SHANK2: variants seen among roughly 807,000 people sequenced by gnomAD.
The protein encoded by SHANK2 is SH3 and multiple ankyrin repeat domains 2.
A neutral mutation model predicts 133.7 loss-of-function variants in SHANK2; 43 were observed. The observed-to-expected ratio is 0.32, with a 90% CI of 0.25 to 0.41. The LOEUF (loss-of-function observed/expected upper bound fraction) is 0.41. Ranked by LOEUF, SHANK2 falls within the 10% of genes least tolerant of loss-of-function variation. The probability of loss-of-function intolerance (pLI) is 1.00; values close to 1 mark genes in which losing one functional copy is unlikely to be tolerated. For synonymous variants in SHANK2, 1,017 were observed against 952.8 expected (o/e 1.07, Z -1.24); for missense variants, 1,994 against 2,235.8 (o/e 0.89, Z 2.18).
chr11:70,599,176 T>C (rs905281714), intron 17 of SHANK2, among the ~76,000 whole-genome samples: 4 of 152,148 alleles, frequency 2.6e-5, no homozygotes, highest in Non-Finnish European at 5.9e-5. Flanking sequence ...CCAGCCATAT[T>C]TCTACATTTC....
At position 70,486,921 on chromosome 11, in the gene SHANK2, G is replaced by A. The variant is rs1555153985; in HGVS notation, c.3372C>T (p.Ser1124=). Residue 1124 remains serine, a synonymous_variant, in exon 25 of 26, where the codon TCC becomes TCT. Coordinates refer to ENST00000601538, the MANE Select transcript of SHANK2 (RefSeq NM_012309.5). The surrounding 1 kb of genome is among the most constrained non-coding windows in gnomAD (Gnocchi z 8.0). The part of the protein sequence containing the change: ...LGPPAPRTRP[S]MFPEEGDFAD... ...CAAAATCCCCCTCCTCGGGGAACAT[G>A]GAGGGCCGCGTCCTGGGGGCGGGTG... 6.8e-6 allele frequency: 11 copies of A among 1,612,604 alleles called. No homozygotes were observed. Among genetic ancestry groups the A allele is most frequent in the Non-Finnish European group, 8.5e-6 (10 of 1,179,774 alleles).
intron 10 of SHANK2, among the ~76,000 whole-genome samples, chr11:70,907,447 T>C (rs1195750999): frequency 1.3e-5 from 2 of 152,148 alleles, no homozygotes; most frequent in Non-Finnish European, 2.9e-5. Context: ...CTAGCACCGA[T>C]ACCAAAGACA....
intron 1 of SHANK2, among the ~76,000 whole-genome samples, chr11:71,228,801 C>G (rs576586872): frequency 6.6e-6 from 1 of 152,082 alleles, no homozygotes; most frequent in Non-Finnish European, 1.5e-5. Flanking sequence ...ATACCTTATA[C>G]AAACGTAAAT....
Position 70,727,836 on chromosome 11 carries a change from G to T in SHANK2, c.1778-29073C>A, listed in dbSNP as rs544186175. On this transcript the variant is annotated intron_variant, in intron 14 of 25. Coordinates refer to ENST00000601538, the MANE Select transcript of SHANK2 (RefSeq NM_012309.5). ...TGTTCCCCCAAGACGCTGGATGGGG[G>T]CCATGGGCTGTCCTCAGTTTCTGTG... 3.5e-4 allele frequency among the ~76,000 whole-genome samples: 54 copies of T among 152,334 alleles called. No homozygotes were observed. The South Asian group carries it at 0.011, about 31-fold the overall frequency.
intron 14 of SHANK2, among the ~76,000 whole-genome samples, chr11:70,754,742 G>A (rs1026666263): frequency 2.0e-5 from 3 of 152,244 alleles, no homozygotes; most frequent in East Asian, 3.9e-4. Flanking sequence ...AGTTAGTGGC[G>A]GGGCCTCAGT....
chr11:70,851,472 G>GCCTTTCTCCTGCC (rs1323884840), intron 11 of SHANK2, among the ~76,000 whole-genome samples: 5 of 152,208 alleles, frequency 3.3e-5, no homozygotes, highest in Admixed American at 3.3e-4. Context: ...AGGGAATAAT[G>GCCTTTCTCCTGCC]CCTTTCTCCT....
chr11:70,652,653 G>A (rs1591707604), intron 17 of SHANK2, among the ~76,000 whole-genome samples: 4 of 151,990 alleles, frequency 2.6e-5, no homozygotes, highest in Admixed American at 2.6e-4. Context: ...CTATAAAAAA[G>A]TACAAAAGTT....
chr11:70,877,360 A>T (rs974953222), intron 11 of SHANK2, among the ~76,000 whole-genome samples: 19 of 152,162 alleles, frequency 1.2e-4, no homozygotes, highest in Non-Finnish European at 2.1e-4. Flanking sequence ...CCGGATTTCT[A>T]TAGTAACCGG....
At position 71,060,118 on chromosome 11, in the gene SHANK2, C is replaced by T. The variant is rs929675200; in HGVS notation, c.1030-3560G>A. 4.6e-5 allele frequency among the ~76,000 whole-genome samples: 7 copies of T among 152,290 alleles called. No homozygotes were observed. The East Asian group carries it at 5.8e-4, about 13-fold the overall frequency. ...ACCCTCTGACACAGTGGTTCTCAAC[C>T]GGGGGTAATTTTGCCTTCACGGGAA... On this transcript the variant is annotated intron_variant, in intron 9 of 25. Coordinates refer to ENST00000601538, the MANE Select transcript of SHANK2 (RefSeq NM_012309.5).
chr11:70,751,220 C>T (rs142533864), intron 14 of SHANK2, among the ~76,000 whole-genome samples: 14 of 152,268 alleles, frequency 9.2e-5, no homozygotes, highest in East Asian at 3.9e-4. Flanking sequence ...AATCCATTCC[C>T]AGACACGTCC....
chr11:70,724,747 C>A (rs531109824), intron 14 of SHANK2, among the ~76,000 whole-genome samples: 1 of 152,324 alleles, frequency 6.6e-6, no homozygotes, highest in East Asian at 1.9e-4. Flanking sequence ...TGTCCAAACA[C>A]CAGCTCAGAG....
At chr11:70,880,624 C>T (rs1590791178) in intron 11 of SHANK2, among the ~76,000 whole-genome samples, 1 of 152,270 alleles carries the variant, frequency 6.6e-6, no homozygotes, top group East Asian at 1.9e-4. Flanking sequence ...CTCTTCTCTG[C>T]TCCTCGCCCA....
At chr11:71,111,968 G>C (rs1555099348) in intron 5 of SHANK2, among the ~76,000 whole-genome samples, 2 of 152,164 alleles carry the variant, frequency 1.3e-5, no homozygotes, top group African/African-American at 4.8e-5. Context: ...GCCATAAAGT[G>C]GCTGGTGTGT....
At chr11:70,699,549 G>A (rs963495230) in intron 14 of SHANK2, among the ~76,000 whole-genome samples, 3 of 152,148 alleles carry the variant, frequency 2.0e-5, no homozygotes, top group Non-Finnish European at 2.9e-5. Context: ...TCAGGAAAAT[G>A]GCCCAAAGTT....
intron 17 of SHANK2, among the ~76,000 whole-genome samples, chr11:70,542,224 ATTAAG>A (rs1343547707): frequency 6.6e-6 from 1 of 152,198 alleles, no homozygotes. Flanking sequence ...TGTAGATATA[ATTAAG>A]TTAAGGATTT....
chr11:71,217,655 G>A (rs1447880347), intron 2 of SHANK2, among the ~76,000 whole-genome samples: 3 of 152,182 alleles, frequency 2.0e-5, no homozygotes, highest in African/African-American at 7.2e-5. Context: ...GAAAGACAAT[G>A]GTATTGAATA....
chr11:70,579,932 T>C (rs1211352796), intron 17 of SHANK2, among the ~76,000 whole-genome samples: 4 of 152,166 alleles, frequency 2.6e-5, no homozygotes, highest in African/African-American at 9.7e-5. Context: ...AGGCGGCCTC[T>C]AGAAGGTGGA....
At chr11:70,653,567 C>CAAAAAAAAAAA (rs1157982312) in intron 17 of SHANK2, among the ~76,000 whole-genome samples, 8 of 61,754 alleles carry the variant, frequency 1.3e-4, no homozygotes, top group South Asian at 6.4e-4. Flanking sequence ...CTCAGCCTTC[C>CAAAAAAAAAAA]AAAAAAAAAA....
chr11:71,208,942 T>C (rs1049689069), intron 2 of SHANK2, among the ~76,000 whole-genome samples: 13 of 152,158 alleles, frequency 8.5e-5, no homozygotes, highest in African/African-American at 3.1e-4. Flanking sequence ...TGACCAACGT[T>C]ACATGTCTCC....
Sources: gnomAD v4.1 joint callset for allele counts (sites outside exome capture counted in the v4.1 genomes callset) on GRCh38, gnomAD v4.1.1 for gene constraint, Gnocchi (gnomAD v3.1) non-coding constraint, MANE v1.5 for transcripts, NCBI Gene and HGNC (gene_info 2026-07-23, HGNC 2026-07-21) for gene names.